HMGXB3: variants seen among roughly 807,000 people sequenced by gnomAD.
The protein encoded by HMGXB3 is HMG-box containing 3.
HMGXB3 carries 45 observed loss-of-function variants against 121.5 expected under a neutral mutation model. The ratio of observed to expected loss-of-function variants is 0.37; its 90% CI spans 0.29 to 0.47. The LOEUF (loss-of-function observed/expected upper bound fraction) is 0.47, where lower values mean the gene tolerates loss of function less well. HMGXB3 is among the 20% of genes least tolerant of loss of function. The pLI is 0.99. For synonymous variants in HMGXB3, 590 were observed against 624.1 expected, an observed-to-expected ratio of 0.95 and a Z score of 0.81; for missense variants, 1,376 against 1,602.2, an observed-to-expected ratio of 0.86 and a Z score of 2.41.
chr5:150,029,629 C>T (rs575233197), intron 9 of HMGXB3, among the ~76,000 whole-genome samples: 2 of 152,160 alleles, frequency 1.3e-5, no homozygotes, highest in South Asian at 4.2e-4. Context: ...CTGGTTTCAA[C>T]CCATTAAATT....
intron 5 of HMGXB3, among the ~76,000 whole-genome samples, 192 bp downstream of exon 5, chr5:150,012,545 G>T (rs981638511): frequency 6.6e-6 from 1 of 152,184 alleles, no homozygotes; most frequent in Non-Finnish European, 1.5e-5. Context: ...TCTTAATGGG[G>T]GTGAGGGGGT....
chr5:150,015,192 C>A, intron 5 of HMGXB3: 2 of 272,444 alleles, frequency 7.3e-6, no homozygotes, highest in South Asian at 1.9e-4. Context: ...TGGCCATGGT[C>A]ACGTGTGTTC....
chr5:150,044,872 G>T (rs1756721823), intron 15 of HMGXB3, among the ~76,000 whole-genome samples: 1 of 152,218 alleles, frequency 6.6e-6, no homozygotes, highest in South Asian at 2.1e-4. Flanking sequence ...ATTAATAGAT[G>T]TCTATAAGAG....
At chr5:150,014,092 A>T (rs1187925919) in intron 5 of HMGXB3, among the ~76,000 whole-genome samples, 1 of 152,282 alleles carries the variant, frequency 6.6e-6, no homozygotes, top group Non-Finnish European at 1.5e-5. Flanking sequence ...GCTAAACAAC[A>T]GTGTCACTTT....
rs976920656 is a variant in HMGXB3, at chr5:150,053,006, C to G, written c.*814C>G. The G allele has an allele frequency of 6.1e-6, 1 of 162,930 alleles. No individual in the cohort carries two copies. The highest frequency in any genetic ancestry group is 1.3e-5 in the Non-Finnish European group (1 of 74,158). 10.1% of individuals were successfully genotyped at this position (162,930 alleles called of 1,614,324 possible). On this transcript the variant is annotated 3_prime_UTR_variant, in exon 20 of 20. Coordinates refer to ENST00000502717, the MANE Select transcript of HMGXB3 (RefSeq NM_014983.3). Reference sequence around the variant, plus strand: ...ACTGGGCCATAAGGAAACAGCAGGACTGGCTCAAGTGCCCAAGGTTTGTTT... The same window carrying G: ...ACTGGGCCATAAGGAAACAGCAGGAGTGGCTCAAGTGCCCAAGGTTTGTTT...
At chr5:150,027,170 G>T (rs2304069) in intron 9 of HMGXB3, 53 bp downstream of exon 9, 1,133,474 of 1,428,946 alleles carry the variant, frequency 0.79, 451,240 homozygotes, top group African/African-American at 0.84. Context: ...CTGCTTCCAT[G>T]TAATGTATCA....
intron 3 of HMGXB3, 134 bp from the exon 4 acceptor site, chr5:150,009,977 A>G (rs1424546202): frequency 2.1e-6 from 2 of 941,464 alleles, no homozygotes; most frequent in South Asian, 1.8e-5. Context: ...TTAGGTCAAG[A>G]GAGTAGAGTT....
At chr5:150,032,651 T>C in intron 11 of HMGXB3, 48 bp downstream of exon 11, 1 of 1,540,158 alleles carries the variant, frequency 6.5e-7, no homozygotes, top group Non-Finnish European at 8.8e-7. Context: ...CTGGGCTCTG[T>C]TAGTGAACCT....
In HMGXB3 at chr5:150,024,531, A is replaced by G; in HGVS notation, c.1311A>G (p.Ala437=). ...VKEAPGNCGT[A]VTKTPVVKSG... is the part of the protein sequence containing the mutation. ...AAGCTCCCGGGAATTGTGGTACAGC[A>G]GTCACTAAGACGCCAGTCGTCAAAA... The change falls in exon 7 of 20, where the codon GCA becomes GCG. Residue 437 remains alanine (A), a synonymous_variant. Coordinates refer to ENST00000502717, the MANE Select transcript of HMGXB3 (RefSeq NM_014983.3). The G allele has an allele frequency of 2.6e-6, 4 of 1,551,722 alleles. No individual in the cohort carries two copies. Among genetic ancestry groups the G allele is most frequent in the Non-Finnish European group, 8.7e-7 (1 of 1,146,990 alleles).
chr5:150,049,169 G>A (rs1433812768), intron 18 of HMGXB3, among the ~76,000 whole-genome samples: 3 of 152,242 alleles, frequency 2.0e-5, no homozygotes, highest in Non-Finnish European at 4.4e-5. Flanking sequence ...AAGGCCGTGA[G>A]TGGGGAGACA....
At chr5:150,038,161 T>C (rs900548599) in intron 13 of HMGXB3, among the ~76,000 whole-genome samples, 3 of 152,206 alleles carry the variant, frequency 2.0e-5, no homozygotes, top group African/African-American at 7.2e-5. Flanking sequence ...CTATTATTCA[T>C]CAACATCAGG....
chr5:150,048,562 A>C lies in HMGXB3; in HGVS notation c.3085-7A>C. ...CTTATGTTTTTAATCTTGTCCTTCT[A>C]CTCCAGGACCAGCTCTGCTTCTCCT... is the stretch of plus-strand genomic sequence containing the variant. On this transcript the variant is annotated splice_region_variant and splice_polypyrimidine_tract_variant and intron_variant, in intron 17 of 19. Coordinates refer to ENST00000502717, the MANE Select transcript of HMGXB3 (RefSeq NM_014983.3). The C allele has an allele frequency of 3.3e-6, 5 of 1,537,866 alleles. No individual in the cohort carries two copies. Among genetic ancestry groups the C allele is most frequent in the Non-Finnish European group, 4.4e-6 (5 of 1,134,208 alleles).
At chr5:150,011,544 G>A (rs1213130095) in intron 4 of HMGXB3, among the ~76,000 whole-genome samples, 4 of 150,852 alleles carry the variant, frequency 2.7e-5, no homozygotes. Context: ...CCTCAGTGCT[G>A]TTTATGATAA....
intron 3 of HMGXB3, 95 bp downstream of exon 3, chr5:150,006,742 T>C (rs1755712559): frequency 1.7e-5 from 19 of 1,124,596 alleles, no homozygotes; most frequent in Non-Finnish European, 1.8e-5. Flanking sequence ...TTTTCTTTTT[T>C]TGGGAAAAGT....
Position 150,030,983 on chromosome 5 carries a change from C to G in HMGXB3, c.1833+144C>G. On this transcript the variant is annotated intron_variant, in intron 10 of 19. Coordinates refer to ENST00000502717, the MANE Select transcript of HMGXB3 (RefSeq NM_014983.3). The stretch of plus-strand genomic sequence containing the variant: ...GTATAGATTGTTAATGATGAAGATC[C>G]CATCCCTGATGCAAATAATAGCTAC... 4.9e-6 allele frequency: 3 copies of G among 606,482 alleles called. No individual in the cohort carries two copies. In the South Asian group the frequency reaches 6.0e-5, roughly 12 times the overall value. The allele number at this position is 606,482 out of a possible 1,614,324, so 37.6% of individuals were successfully genotyped here.
chr5:150,044,774 C>G (rs909186858), intron 15 of HMGXB3, among the ~76,000 whole-genome samples: 9 of 152,130 alleles, frequency 5.9e-5, no homozygotes, highest in Non-Finnish European at 1.2e-4. Context: ...AGCTATACAA[C>G]TGTGATTGAG....
rs1459192010 is a variant in HMGXB3 at position 150,052,082 on chromosome 5, C to T, written c.3769C>T (p.Pro1257Ser). Residue 1257 changes from proline to serine, a missense_variant, in exon 20 of 20, where the codon CCT becomes TCT. This residue lies in a region of HMGXB3 where 260 missense variants were observed against 233.2 expected (regional missense o/e 1.11). Coordinates refer to ENST00000502717, the MANE Select transcript of HMGXB3 (RefSeq NM_014983.3). The part of the protein sequence containing the change: ...QIHDIVQSCQ[P>S]GEVVIRDTLY... ...CCATGACATTGTACAGAGCTGCCAG[C>T]CTGGTGAGGTGGTCATTCGTGACAC... 3.2e-6 allele frequency: 5 copies of T among 1,551,856 alleles called. No individual in the cohort carries two copies. Among genetic ancestry groups the T allele is most frequent in the Admixed American group, 2.0e-5 (1 of 51,014 alleles).
intron 18 of HMGXB3, among the ~76,000 whole-genome samples, chr5:150,049,495 G>A (rs1048238413): frequency 3.9e-5 from 6 of 152,172 alleles, no homozygotes; most frequent in African/African-American, 1.2e-4. Context: ...GGGGGATCTA[G>A]CTGTAAAAAG....
intron 3 of HMGXB3, 104 bp from the exon 4 acceptor site, chr5:150,010,007 G>GA (rs943098696): frequency 6.4e-4 from 794 of 1,245,446 alleles, no homozygotes; most frequent in Middle Eastern, 7.9e-4. Flanking sequence ...CCTTTTGCAG[G>GA]AAAAAAAAAG....
Sources: allele counts gnomAD v4.1 joint callset (sites outside exome capture counted in the v4.1 genomes callset), GRCh38; gene constraint gnomAD v4.1.1; regional missense constraint gnomAD v4.1.1; transcripts MANE v1.5; gene names NCBI Gene and HGNC (gene_info 2026-07-23, HGNC 2026-07-21).